ACER3: variants seen among roughly 807,000 people sequenced by gnomAD.
The protein encoded by ACER3 is alkaline ceramidase 3.
ACER3 carries 16 observed loss-of-function variants against 48.9 expected under a neutral mutation model. That is an observed-to-expected ratio of 0.33 (90% CI 0.22 to 0.50). The LOEUF is 0.50. Among genes scored for constraint, ACER3 ranks in the 20% least tolerant of loss-of-function variants. The pLI is 0.98. For missense variants in ACER3, 227 were observed against 326.0 expected, an observed-to-expected ratio of 0.70 and a Z score of 2.34; for synonymous variants, 109 against 107.8, an observed-to-expected ratio of 1.01 and a Z score of -0.07.
At chr11:76,921,315 A>G (rs1224850968) in intron 1 of ACER3, among the ~76,000 whole-genome samples, 1 of 152,182 alleles carries the variant, frequency 6.6e-6, no homozygotes, top group Non-Finnish European at 1.5e-5. Flanking sequence ...ATTAAAACAA[A>G]TTTTTAATTG....
intron 3 of ACER3, 104 bp from the exon 4 acceptor site, chr11:76,976,185 T>C (rs537993555): frequency 1.1e-6 from 1 of 888,760 alleles, no homozygotes; most frequent in East Asian, 2.6e-5. Flanking sequence ...CTGTGCCTGG[T>C]CTAAGAGCTG....
At chr11:76,861,816 A>G (rs1944947816) in intron 1 of ACER3, among the ~76,000 whole-genome samples, 1 of 152,092 alleles carries the variant, frequency 6.6e-6, no homozygotes, top group Admixed American at 6.5e-5. Flanking sequence ...CTATCCAACT[A>G]TCTAGGAGTT....
intron 10 of ACER3, 24 bp from the exon 11 acceptor site, chr11:77,020,250 T>G (rs1555024147): frequency 1.2e-6 from 2 of 1,611,638 alleles, no homozygotes; most frequent in South Asian, 2.2e-5. Flanking sequence ...TTTTCTCATT[T>G]TGTCCTAATT....
intron 7 of ACER3, among the ~76,000 whole-genome samples, chr11:77,007,680 T>G (rs988797605): frequency 1.3e-5 from 2 of 152,198 alleles, no homozygotes; most frequent in African/African-American, 4.8e-5. Flanking sequence ...CACGGGAAGA[T>G]AGATATCCAA....
At chr11:76,916,333 G>C (rs1946529538) in intron 1 of ACER3, among the ~76,000 whole-genome samples, 1 of 152,130 alleles carries the variant, frequency 6.6e-6, no homozygotes. Context: ...CAGTCTGTCT[G>C]GTTTTCTTTT....
chr11:76,875,745 T>TTTTG (rs1298024672), intron 1 of ACER3, among the ~76,000 whole-genome samples: 2 of 136,392 alleles, frequency 1.5e-5, no homozygotes, highest in African/African-American at 5.6e-5. Context: ...TTTTTTTTTT[T>TTTTG]TTTTTTTTTT....
chr11:77,014,976 G>A (rs782463022), intron 7 of ACER3, 40 bp from the exon 8 acceptor site: 46 of 1,236,236 alleles, frequency 3.7e-5, no homozygotes, highest in Non-Finnish European at 5.0e-5. Flanking sequence ...GACATGACTT[G>A]AGAAAATTTT....
intron 1 of ACER3, among the ~76,000 whole-genome samples, chr11:76,880,519 C>T (rs2134571936): frequency 6.6e-6 from 1 of 152,338 alleles, no homozygotes; most frequent in Non-Finnish European, 1.5e-5. Context: ...CTCCACTTCC[C>T]ATGCCAGTCG....
chr11:76,990,928 A>T (rs987863894), intron 6 of ACER3, among the ~76,000 whole-genome samples: 1 of 152,210 alleles, frequency 6.6e-6, no homozygotes, highest in African/African-American at 2.4e-5. Flanking sequence ...TTCCTTGAGT[A>T]TTTTCCCTCT....
intron 4 of ACER3, 124 bp from the exon 5 acceptor site, chr11:76,985,519 T>A (rs1948669879): frequency 1.6e-6 from 1 of 611,304 alleles, no homozygotes; most frequent in Non-Finnish European, 2.7e-6. Context: ...GTTTTCTCTA[T>A]GAGTGGAAAG....
chr11:77,014,789 A>G (rs1370200205), intron 7 of ACER3, among the ~76,000 whole-genome samples: 1 of 152,152 alleles, frequency 6.6e-6, no homozygotes, highest in African/African-American at 2.4e-5. Context: ...GCACATGTCT[A>G]TTTTCCCAGC....
chr11:76,971,912 G>C (rs899510914), intron 3 of ACER3, among the ~76,000 whole-genome samples: 2 of 152,100 alleles, frequency 1.3e-5, no homozygotes, highest in African/African-American at 2.4e-5. Flanking sequence ...ATGAAGGGGT[G>C]GGGGGTGGTT....
At chr11:76,927,588 T>C (rs2134818851) in intron 2 of ACER3, among the ~76,000 whole-genome samples, 1 of 152,250 alleles carries the variant, frequency 6.6e-6, no homozygotes, top group East Asian at 1.9e-4. Flanking sequence ...TAGGTATATC[T>C]CCTAATGCTA....
At position 77,019,682 on chromosome 11, in the gene ACER3, G is replaced by A. The variant is rs782119621; in HGVS notation, c.705-49G>A. ...CGTTTGTCAGTACGCCAGTTTGCAT[G>A]AATTCAAAATGAATCTGAAAAGCTT... On this transcript the variant is annotated intron_variant, in intron 9 of 10. Transcript: ENST00000532485. The A allele has an allele frequency of 1.3e-6, 2 of 1,584,328 alleles. 1 individual carries two copies. The highest frequency in any genetic ancestry group is 2.2e-5 in the South Asian group (2 of 90,444).
At chr11:76,894,218 G>C (rs1400684942) in intron 1 of ACER3, among the ~76,000 whole-genome samples, 1 of 152,164 alleles carries the variant, frequency 6.6e-6, no homozygotes, top group East Asian at 1.9e-4. Context: ...GATCGAGGCT[G>C]TAGTGAGCCG....
intron 1 of ACER3, among the ~76,000 whole-genome samples, chr11:76,866,750 A>G (rs1456950136): frequency 6.6e-6 from 1 of 152,224 alleles, no homozygotes; most frequent in Non-Finnish European, 1.5e-5. Context: ...GAAGTTAGTT[A>G]AATAAGCAGC....
At position 77,020,435 on chromosome 11, in the gene ACER3, C is replaced by A; in HGVS notation, c.*108C>A. 1 of 1,284,528 alleles carries A rather than the reference C, an allele frequency of 7.8e-7. No homozygotes were observed. Among genetic ancestry groups the A allele is most frequent in the African/African-American group, 1.5e-5 (1 of 66,700 alleles). The allele number at this position is 1,284,528 out of a possible 1,614,324, so 79.6% of individuals were successfully genotyped here. A position where few individuals can be genotyped will look rare whatever the true frequency, so the allele number is the denominator to read the frequency against. On this transcript the variant is annotated 3_prime_UTR_variant, in exon 11 of 11. Transcript: ENST00000532485. ...TTCAAATATGTCATGACCATCACAG[C>A]AGAGGAGTGACTTTCTGACTAATGC...
At chr11:76,921,258 G>T (rs6592683) in intron 1 of ACER3, among the ~76,000 whole-genome samples, 114,847 of 152,068 alleles carry the variant, frequency 0.76, 43,725 homozygotes, top group African/African-American at 0.81. Flanking sequence ...GTTTTATTGT[G>T]TTACCTTTTA....
intron 2 of ACER3, among the ~76,000 whole-genome samples, chr11:76,936,605 T>C (rs1412067295): frequency 6.6e-6 from 1 of 152,098 alleles, no homozygotes; most frequent in Non-Finnish European, 1.5e-5. Context: ...AAAGTCGCTT[T>C]TGCATGACAA....
Sources: allele counts gnomAD v4.1 joint callset (sites outside exome capture counted in the v4.1 genomes callset), GRCh38; gene constraint gnomAD v4.1.1; transcripts MANE v1.5; gene names NCBI Gene and HGNC (gene_info 2026-07-23, HGNC 2026-07-21).